The following SAMD5 variants were observed in gnomAD, a reference collection of about 807,000 sequenced individuals.
SAMD5 encodes the protein sterile alpha motif domain-containing protein 5.
In SAMD5, 13 loss-of-function variants were observed where a neutral mutation model predicts 11.3. The ratio of observed to expected loss-of-function variants is 1.15; its 90% confidence interval spans 0.75 to 1.83. The LOEUF (loss-of-function observed/expected upper bound fraction) is 1.83, where lower values mean the gene tolerates loss of function less well. Among genes scored for constraint, SAMD5 ranks in the 40% most tolerant of loss-of-function variants. SAMD5 has a pLI of 0.00. For synonymous variants in SAMD5, 129 were observed against 111.3 expected (o/e 1.16, Z -1.00); for missense variants, 255 against 239.1 (o/e 1.07, Z -0.44).
chr6:147,916,378 A>C, the SAMD5 span, among the ~76,000 whole-genome samples: 1 of 151,998 alleles, frequency 6.6e-6, no homozygotes, highest in African/African-American at 2.4e-5. Context: ...AACAGTGTAA[A>C]AGTGTTCCTA....
intron 1 of SAMD5, among the ~76,000 whole-genome samples, chr6:147,578,808 A>G (rs966867760): frequency 1.3e-5 from 2 of 151,950 alleles, no homozygotes; most frequent in African/African-American, 4.8e-5. Context: ...AAAAAACCCA[A>G]TCTATATTTG....
At chr6:147,842,329 C>T in the SAMD5 span, among the ~76,000 whole-genome samples, 1 of 151,894 alleles carries the variant, frequency 6.6e-6, no homozygotes, top group Admixed American at 6.6e-5. Context: ...AGCCATTGTC[C>T]ATCACAACCC....
At chr6:147,938,994 G>A in the SAMD5 span, among the ~76,000 whole-genome samples, 6 of 152,130 alleles carry the variant, frequency 3.9e-5, no homozygotes, top group African/African-American at 1.4e-4. Context: ...AGTAACTAGG[G>A]CACCCACACT....
chr6:147,865,336 GTGTGTGTGTGTGTGTGTGTGTGTC>G, the SAMD5 span, among the ~76,000 whole-genome samples: 2 of 96,728 alleles, frequency 2.1e-5, no homozygotes, highest in African/African-American at 6.1e-5. Context: ...GTGTGTGTGT[GTGTGTGTGTGTGTGTGTGTGTGTC>G]ATAGAAAGAG....
the SAMD5 span, among the ~76,000 whole-genome samples, chr6:147,770,827 G>A: frequency 1.2e-4 from 19 of 152,178 alleles, no homozygotes; most frequent in Non-Finnish European, 2.6e-4. Flanking sequence ...GCTGGGAGAA[G>A]TTATTTAAAC....
At chr6:147,578,062 C>T (rs545717399) in intron 1 of SAMD5, among the ~76,000 whole-genome samples, 3 of 152,134 alleles carry the variant, frequency 2.0e-5, no homozygotes, top group African/African-American at 7.2e-5. Flanking sequence ...GGAGAGAAGT[C>T]GAAATGCATT....
chr6:147,857,206 A>T, the SAMD5 span, among the ~76,000 whole-genome samples: 1 of 151,712 alleles, frequency 6.6e-6, no homozygotes, highest in Non-Finnish European at 1.5e-5. Context: ...TTTGCCTAAT[A>T]ATAATGCAAC....
intron 1 of SAMD5, among the ~76,000 whole-genome samples, chr6:147,581,404 T>C (rs1789295292): frequency 6.6e-6 from 1 of 152,166 alleles, no homozygotes; most frequent in South Asian, 2.1e-4. Context: ...CATTGGTATA[T>C]GCTAATTAAA....
chr6:147,760,657 A>G, the SAMD5 span, among the ~76,000 whole-genome samples: 1 of 152,168 alleles, frequency 6.6e-6, no homozygotes, highest in Admixed American at 6.5e-5. Context: ...TTAAGTGATT[A>G]TTTTTCACTC....
At chr6:147,836,192 T>TA in the SAMD5 span, among the ~76,000 whole-genome samples, 60 of 152,306 alleles carry the variant, frequency 3.9e-4, no homozygotes, top group East Asian at 0.01. Context: ...TTTAGCCACA[T>TA]AGACTCATCA....
intron 1 of SAMD5, among the ~76,000 whole-genome samples, chr6:147,644,276 A>G (rs1294249998): frequency 1.3e-5 from 2 of 152,226 alleles, no homozygotes; most frequent in Non-Finnish European, 2.9e-5. Flanking sequence ...TTGAGGAAGG[A>G]CTTGCCTTCA....
chr6:147,794,866 C>T, the SAMD5 span, among the ~76,000 whole-genome samples: 8 of 151,904 alleles, frequency 5.3e-5, no homozygotes, highest in East Asian at 1.9e-4. Flanking sequence ...ATACTAATAC[C>T]GAAAGCTTTG....
chr6:147,786,250 T>C, the SAMD5 span, among the ~76,000 whole-genome samples: 2 of 152,250 alleles, frequency 1.3e-5, no homozygotes, highest in South Asian at 4.1e-4. Flanking sequence ...GTGAAATACC[T>C]AGTTTTGATG....
chr6:147,673,326 G>C (rs941740842), intron 1 of SAMD5, among the ~76,000 whole-genome samples: 1 of 151,766 alleles, frequency 6.6e-6, no homozygotes, highest in African/African-American at 2.4e-5. Context: ...CCATTCTCCT[G>C]CCTCAGCCTC....
At chr6:147,612,689 C>T (rs927747526) in intron 1 of SAMD5, among the ~76,000 whole-genome samples, 3 of 152,270 alleles carry the variant, frequency 2.0e-5, no homozygotes, top group African/African-American at 4.8e-5. Context: ...CTCAGAAACC[C>T]GTGGAAGCAC....
chr6:147,638,732 A>T (rs1195805392), intron 1 of SAMD5, among the ~76,000 whole-genome samples: 1 of 152,222 alleles, frequency 6.6e-6, no homozygotes, highest in Non-Finnish European at 1.5e-5. Context: ...ATTATGGAAT[A>T]AATTGAATGC....
intron 1 of SAMD5, among the ~76,000 whole-genome samples, chr6:147,633,772 T>TTG (rs1237108084): frequency 6.6e-6 from 1 of 151,970 alleles, no homozygotes; most frequent in Non-Finnish European, 1.5e-5. Context: ...ATCTTGCATT[T>TTG]TGTGTGTGTG....
At chr6:147,819,868 G>T in the SAMD5 span, among the ~76,000 whole-genome samples, 1 of 152,354 alleles carries the variant, frequency 6.6e-6, no homozygotes, top group South Asian at 2.1e-4. Context: ...CTAAGGAGAG[G>T]CAGGGTGTCA....
the SAMD5 span, among the ~76,000 whole-genome samples, chr6:147,792,919 A>G: frequency 2.0e-5 from 3 of 152,250 alleles, no homozygotes; most frequent in Admixed American, 1.3e-4. Flanking sequence ...CCATACTGAC[A>G]TAAATAAATG....
Sources: allele counts gnomAD v4.1 joint callset (sites outside exome capture counted in the v4.1 genomes callset), GRCh38; gene constraint gnomAD v4.1.1; transcripts MANE v1.5; gene names NCBI Gene and HGNC (gene_info 2026-07-23, HGNC 2026-07-21).